Variants in NTM observed in about 807,000 individuals in gnomAD.
NTM encodes the protein neurotrimin.
NTM carries 13 observed loss-of-function variants against 42.1 expected under a neutral mutation model. The observed-to-expected ratio is 0.31, with a 90% CI of 0.20 to 0.49. The LOEUF (loss-of-function observed/expected upper bound fraction) is 0.49, where lower values mean the gene tolerates loss of function less well. Among genes scored for constraint, NTM ranks in the 20% least tolerant of loss-of-function variants. NTM has a pLI of 0.99. For synonymous variants in NTM, 187 were observed against 179.2 expected (o/e 1.04, Z -0.35); for missense variants, 373 against 452.8 (o/e 0.82, Z 1.60).
At chr11:132,314,907 A>T in intron 7 of NTM, 1 of 1,350,306 alleles carries the variant, frequency 7.4e-7, no homozygotes, top group Non-Finnish European at 9.5e-7. Context: ...AAAGAGAAAG[A>T]ACAAGAGATA....
chr11:131,572,588 A>C (rs1041781618), intron 1 of NTM, among the ~76,000 whole-genome samples: 1 of 152,032 alleles, frequency 6.6e-6, no homozygotes, highest in African/African-American at 2.4e-5. Flanking sequence ...CCCTTGGATG[A>C]CTGTGCGCGC....
chr11:132,136,478 A>G (rs1322690712), intron 2 of NTM, among the ~76,000 whole-genome samples: 1 of 152,208 alleles, frequency 6.6e-6, no homozygotes, highest in East Asian at 1.9e-4. Context: ...GTTTGGATAC[A>G]GCAGAGACTG....
At chr11:131,877,758 T>C (rs560726591) in intron 1 of NTM, 1 of 152,320 alleles carries the variant, frequency 6.6e-6, no homozygotes, top group South Asian at 2.1e-4. Flanking sequence ...TACTGCCCTG[T>C]TGTGGAATTT....
intron 1 of NTM, among the ~76,000 whole-genome samples, chr11:131,806,938 C>T (rs1009960358): frequency 2.0e-5 from 3 of 152,088 alleles, no homozygotes; most frequent in African/African-American, 7.2e-5. Flanking sequence ...TAAATATTGC[C>T]ATGGGGATAT....
chr11:131,642,174 G>A (rs2065225179), intron 1 of NTM, among the ~76,000 whole-genome samples: 1 of 152,200 alleles, frequency 6.6e-6, no homozygotes, highest in African/African-American at 2.4e-5. Flanking sequence ...GGTCAGGCTG[G>A]ATAAACAGTG....
chr11:132,299,518 G>A (rs146650750), intron 4 of NTM, among the ~76,000 whole-genome samples: 1 of 152,142 alleles, frequency 6.6e-6, no homozygotes, highest in African/African-American at 2.4e-5. Flanking sequence ...AGAAGTTCAG[G>A]TGAAGTAAAT....
intron 1 of NTM, among the ~76,000 whole-genome samples, chr11:131,417,486 C>A (rs917436978): frequency 6.6e-6 from 1 of 152,074 alleles, no homozygotes; most frequent in African/African-American, 2.4e-5. Flanking sequence ...GTGTGTAGCC[C>A]TATAGGTATA....
chr11:132,260,529 A>T (rs1215116471), intron 4 of NTM, among the ~76,000 whole-genome samples: 1 of 152,224 alleles, frequency 6.6e-6, no homozygotes, highest in African/African-American at 2.4e-5. Flanking sequence ...AGAGAAACCA[A>T]AAAATGAATT....
chr11:132,004,958 T>C (rs1490907948), intron 2 of NTM, among the ~76,000 whole-genome samples: 1 of 152,196 alleles, frequency 6.6e-6, no homozygotes, highest in African/African-American at 2.4e-5. Flanking sequence ...GCTACTTCTT[T>C]ACCTTACCAC....
At chr11:132,314,527 C>G in intron 6 of NTM, 25 bp from the exon 7 acceptor site, 4 of 1,595,760 alleles carry the variant, frequency 2.5e-6, no homozygotes, top group Non-Finnish European at 3.4e-6. Flanking sequence ...TTGTTTTCTT[C>G]TTTTTTGTCT....
At chr11:132,080,448 C>T (rs1053148070) in intron 2 of NTM, among the ~76,000 whole-genome samples, 2 of 152,210 alleles carry the variant, frequency 1.3e-5, no homozygotes, top group Admixed American at 1.3e-4. Flanking sequence ...CCCCAGCAGC[C>T]ACGGGTAGAC....
At chr11:131,873,899 C>T (rs1330364929) in intron 1 of NTM, among the ~76,000 whole-genome samples, 2 of 139,542 alleles carry the variant, frequency 1.4e-5, no homozygotes, top group South Asian at 2.2e-4. Flanking sequence ...TGAGTGAGAA[C>T]ATGCAGTGTT....
At chr11:132,079,991 T>TA (rs1173591482) in intron 2 of NTM, among the ~76,000 whole-genome samples, 3 of 152,162 alleles carry the variant, frequency 2.0e-5, no homozygotes, top group East Asian at 1.9e-4. Context: ...TCTAATTTAA[T>TA]AAAAAACAAA....
intron 1 of NTM, among the ~76,000 whole-genome samples, chr11:131,690,566 C>G (rs528535845): frequency 6.6e-6 from 1 of 152,242 alleles, no homozygotes; most frequent in Non-Finnish European, 1.5e-5. Flanking sequence ...GCGTTCTCTG[C>G]CCTCAGAAAC....
chr11:131,934,445 C>A (rs1412269383), intron 2 of NTM, among the ~76,000 whole-genome samples: 1 of 152,148 alleles, frequency 6.6e-6, no homozygotes, highest in Non-Finnish European at 1.5e-5. Context: ...CTTTACAGTG[C>A]CTGACACAGG....
At chr11:131,810,891 AG>A (rs1048865202) in intron 1 of NTM, among the ~76,000 whole-genome samples, 1 of 152,196 alleles carries the variant, frequency 6.6e-6, no homozygotes, top group African/African-American at 2.4e-5. Context: ...GTGGATTTCC[AG>A]TGGAGTGTCA....
intron 2 of NTM, chr11:131,984,795 T>C (rs968114227): frequency 6.6e-6 from 1 of 152,204 alleles, no homozygotes; most frequent in African/African-American, 2.4e-5. Context: ...TAAATAGATA[T>C]AACTCATAGA....
Position 132,146,206 on chromosome 11 carries a change from T to TTGCCATGAGGACCTCCCTCTGATGGC in NTM, c.168-72_168-47dup. On this transcript the variant is annotated intron_variant, in intron 2 of 8. Coordinates refer to ENST00000683400, the MANE Select transcript of NTM (RefSeq NM_001352005.2). The surrounding 1 kb of genome is among the most constrained non-coding windows in gnomAD (Gnocchi z 4.5). ...GGGAGAAAGACAAGATATTCTAGCC[T>TTGCCATGAGGACCTCCCTCTGATGGC]TGCCATGAGGACCTCCCTCTGATGG... 6.4e-7 allele frequency: 1 copy of TTGCCATGAGGACCTCCCTCTGATGGC among 1,571,306 alleles called. No individual in the cohort carries two copies. The highest frequency in any genetic ancestry group is 1.2e-5 in the South Asian group (1 of 84,176).
At chr11:131,559,698 T>G (rs960175698) in intron 1 of NTM, among the ~76,000 whole-genome samples, 4 of 152,240 alleles carry the variant, frequency 2.6e-5, no homozygotes, top group Non-Finnish European at 5.9e-5. Context: ...AATAGTGGTC[T>G]AGGGCTAGTG....
Sources: allele counts gnomAD v4.1 joint callset (sites outside exome capture counted in the v4.1 genomes callset), GRCh38; gene constraint gnomAD v4.1.1; non-coding constraint Gnocchi (gnomAD v3.1); transcripts MANE v1.5; gene names NCBI Gene and HGNC (gene_info 2026-07-23, HGNC 2026-07-21).